The following PCDHGA6 variants were observed in gnomAD, a reference collection of about 807,000 sequenced individuals.
PCDHGA6 encodes protocadherin gamma-A6.
A neutral mutation model predicts 60.6 loss-of-function variants in PCDHGA6; 41 were observed. That is an observed-to-expected ratio of 0.68 (90% confidence interval 0.53 to 0.88). PCDHGA6 has a LOEUF of 0.88. Ranked by LOEUF, PCDHGA6 falls within the 40% of genes least tolerant of loss-of-function variation. The pLI, the probability that PCDHGA6 is intolerant of heterozygous loss-of-function variation, is 0.00. For synonymous variants in PCDHGA6, 594 were observed against 524.4 expected (o/e 1.13, Z -1.81); for missense variants, 1,312 against 1,203.0 (o/e 1.09, Z -1.34).
intron 1 of PCDHGA6, chr5:141,419,661 A>G (rs1363084793): frequency 2.5e-6 from 4 of 1,612,714 alleles, no homozygotes; most frequent in East Asian, 2.2e-5. Flanking sequence ...TCGGGGCACA[A>G]TGCCTGGCTG....
intron 1 of PCDHGA6, chr5:141,409,578 T>A: frequency 6.2e-7 from 1 of 1,613,942 alleles, no homozygotes. Context: ...TCCTACGTGG[T>A]CCACGTGGCC....
intron 1 of PCDHGA6, chr5:141,409,493 CCT>C (rs1312265786): frequency 6.2e-6 from 10 of 1,614,012 alleles, no homozygotes; most frequent in Non-Finnish European, 7.6e-6. Context: ...GGGCAAGCCG[CCT>C]CTTTCTTCCA....
intron 1 of PCDHGA6, among the ~76,000 whole-genome samples, chr5:141,387,074 C>G (rs1268463514): frequency 6.6e-6 from 1 of 152,172 alleles, no homozygotes. Flanking sequence ...GAGTAGGCTA[C>G]TGCCTGTGAT....
Position 141,447,812 on chromosome 5 carries a change from G to A in PCDHGA6, c.2425-46995G>A, listed in dbSNP as rs557330895. 5.4e-4 allele frequency among the ~76,000 whole-genome samples: 82 copies of A among 152,254 alleles called. 1 individual carries two copies. The highest frequency in any genetic ancestry group is 1.3e-3 in the Admixed American group (20 of 15,294). On this transcript the variant is annotated intron_variant, in intron 1 of 3. Coordinates refer to ENST00000517434, the MANE Select transcript of PCDHGA6 (RefSeq NM_018919.3). ...TTTAAGAAAATAAAATTGGCTGGGC[G>A]TGGTGGCTCACGCCTGTAATCCCAG...
chr5:141,418,928 A>T (rs762769886), intron 1 of PCDHGA6: 1 of 1,613,978 alleles, frequency 6.2e-7, no homozygotes, highest in East Asian at 2.2e-5. Context: ...TGATCAGATT[A>T]TGGAGGATTC....
At chr5:141,418,665 A>T in intron 1 of PCDHGA6, 1 of 1,614,070 alleles carries the variant, frequency 6.2e-7, no homozygotes, top group Non-Finnish European at 8.5e-7. Context: ...GCCACTGACC[A>T]GGACGAGGGC....
At chr5:141,400,860 A>G (rs77207205) in intron 1 of PCDHGA6, among the ~76,000 whole-genome samples, 6,447 of 152,342 alleles carry the variant, frequency 0.042, 220 homozygotes, top group African/African-American at 0.092. Flanking sequence ...TATTGTATGT[A>G]GATAAACCAT....
intron 1 of PCDHGA6, chr5:141,427,862 C>T (rs748112227): frequency 2.6e-6 from 4 of 1,556,778 alleles, no homozygotes; most frequent in East Asian, 4.5e-5. Context: ...TGTGCGCCTT[C>T]GAGCTCACGA....
chr5:141,380,433 A>G (rs1228885429), intron 1 of PCDHGA6, among the ~76,000 whole-genome samples: 1 of 152,256 alleles, frequency 6.6e-6, no homozygotes, highest in Non-Finnish European at 1.5e-5. Context: ...TAGACTTTAC[A>G]TAGAATTCTT....
In PCDHGA6 at chr5:141,374,954, AT is replaced by A; in HGVS notation, c.875del (p.Phe292SerfsTer3). The A allele has an allele frequency of 6.2e-7, 1 of 1,613,990 alleles. No homozygotes were observed. The highest frequency in any genetic ancestry group is 2.2e-5 in the East Asian group (1 of 44,882). ...FVKITEKISQ[I>X]FCLNVLTGEI... ...GAAGATTACAGAAAAGATCTCACAAATTTTCTGTTTGAATGTTTTGACTGGA... is the reference window on the plus strand; with the variant it reads ...GAAGATTACAGAAAAGATCTCACAAATTTCTGTTTGAATGTTTTGACTGGA... On this transcript the variant is annotated frameshift_variant, in exon 1 of 4. Coordinates refer to ENST00000517434, the MANE Select transcript of PCDHGA6 (RefSeq NM_018919.3). LOFTEE classifies it high-confidence loss of function.
intron 1 of PCDHGA6, among the ~76,000 whole-genome samples, chr5:141,468,738 T>C (rs965510711): frequency 3.0e-4 from 46 of 151,958 alleles, no homozygotes; most frequent in South Asian, 2.1e-3. Flanking sequence ...TGGTGGCGGG[T>C]GCCTGTAGTC....
chr5:141,413,668 G>T lies in PCDHGA6; in HGVS notation c.2424+37161G>T, dbSNP rs1286766786. ...TCCTCTCCCGGAAGCTATTGATCCG[G>T]ATGTGGGCGTGAACTCCCTGCAGAG... is the stretch of plus-strand genomic sequence containing the variant. On this transcript the variant is annotated intron_variant, in intron 1 of 3. Transcript: ENST00000517434. 6 of 1,613,754 alleles carry T rather than the reference G, an allele frequency of 3.7e-6. No homozygotes were observed. The Admixed American group carries it at 8.3e-5, about 22-fold the overall frequency.
chr5:141,476,747 C>A lies in PCDHGA6; in HGVS notation c.2425-18060C>A. 1 of 1,614,066 alleles carries A rather than the reference C, an allele frequency of 6.2e-7. No homozygotes were observed. The highest frequency in any genetic ancestry group is 1.3e-5 in the African/African-American group (1 of 75,074). On this transcript the variant is annotated intron_variant, in intron 1 of 3. Transcript: ENST00000517434. The surrounding 1 kb of genome is among the most constrained non-coding windows in gnomAD (Gnocchi z 7.6). ...GGACCGAGAACGGGAGCCTAGTCTCCAGTTAGTGCTGACGGCGTTGGACGG... is the reference window on the plus strand; with the variant it reads ...GGACCGAGAACGGGAGCCTAGTCTCAAGTTAGTGCTGACGGCGTTGGACGG...
intron 1 of PCDHGA6, among the ~76,000 whole-genome samples, chr5:141,381,836 T>TCTTCTTC (rs1247595630): frequency 6.4e-5 from 9 of 139,950 alleles, no homozygotes; most frequent in African/African-American, 2.6e-4. Flanking sequence ...CTTTTTTTTT[T>TCTTCTTC]TTTTTTTTTT....
intron 1 of PCDHGA6, chr5:141,404,337 C>CG (rs1376523964): frequency 1.9e-6 from 3 of 1,613,784 alleles, no homozygotes; most frequent in Non-Finnish European, 2.5e-6. Context: ...GTCTACCTCC[C>CG]GGAAAACAAC....
chr5:141,390,874 G>C (rs2092257325), intron 1 of PCDHGA6: 1 of 153,302 alleles, frequency 6.5e-6, no homozygotes, highest in Non-Finnish European at 1.4e-5. Context: ...GTGCGTGTGT[G>C]TGTGTGTGTG....
chr5:141,411,079 T>C (rs1178503371), intron 1 of PCDHGA6: 2 of 154,384 alleles, frequency 1.3e-5, no homozygotes, highest in African/African-American at 2.4e-5. Flanking sequence ...CAGAAACTCC[T>C]GTCCTCGTGA....
chr5:141,376,204 C>A lies in PCDHGA6; in HGVS notation c.2121C>A (p.Phe707Leu), dbSNP rs185484474. 2.5e-6 allele frequency: 4 copies of A among 1,614,198 alleles called. No individual in the cohort carries two copies. In the African/African-American group the frequency reaches 5.3e-5, roughly 22 times the overall value. The change falls in exon 1 of 4, where the codon TTC (phenylalanine) becomes TTA (leucine). Residue 707 changes from phenylalanine to leucine, a missense_variant. Phe to Leu is a conservative substitution (Grantham distance 22, BLOSUM62 0). Coordinates refer to ENST00000517434, the MANE Select transcript of PCDHGA6 (RefSeq NM_018919.3). The stretch of plus-strand genomic sequence containing the variant: ...CGGTCTCCTGCGTCTTCCTGGCCTT[C>A]GTCATCGTGCTGCTGGCGCTCAGAC... ...VAAVSCVFLA[F>L]VIVLLALRLQ...
chr5:141,485,563 C>A lies in PCDHGA6; in HGVS notation c.2425-9244C>A. 2 of 1,612,904 alleles carry A rather than the reference C, an allele frequency of 1.2e-6. No individual in the cohort carries two copies. The highest frequency in any genetic ancestry group is 1.7e-6 in the Non-Finnish European group (2 of 1,179,034). ...AGATCGTAGATGTGAATGATCACGC[C>A]CCCCGTTTTCCGCGGCAGCAGCTGG... On this transcript the variant is annotated intron_variant, in intron 1 of 3. Coordinates refer to ENST00000517434, the MANE Select transcript of PCDHGA6 (RefSeq NM_018919.3). This position sits in a 1 kb window ranked among gnomAD's most constrained non-coding sequence, Gnocchi z 5.7.
Sources: allele counts gnomAD v4.1 joint callset (sites outside exome capture counted in the v4.1 genomes callset), GRCh38; gene constraint gnomAD v4.1.1; non-coding constraint Gnocchi (gnomAD v3.1); transcripts MANE v1.5; gene names NCBI Gene and HGNC (gene_info 2026-07-23, HGNC 2026-07-21).